The following NRG1 variants were observed in gnomAD, a reference collection of about 807,000 sequenced individuals.
NRG1 encodes neuregulin 1, also known as pro-neuregulin-1, membrane-bound isoform.
Under a neutral mutation model 63.8 loss-of-function variants are expected in NRG1, and 18 were observed. The observed-to-expected ratio is 0.28, with a 90% CI of 0.19 to 0.42. NRG1 has a LOEUF of 0.42. Among genes scored for constraint, NRG1 ranks in the 10% least tolerant of loss-of-function variants. NRG1 has a pLI of 1.00. For synonymous variants in NRG1, 302 were observed against 301.3 expected, an observed-to-expected ratio of 1.00 and a Z score of -0.02; for missense variants, 762 against 814.7, an observed-to-expected ratio of 0.94 and a Z score of 0.79.
intron 1 of NRG1, among the ~76,000 whole-genome samples, chr8:32,260,782 A>G (rs1850276735): frequency 6.6e-6 from 1 of 152,160 alleles, no homozygotes; most frequent in South Asian, 2.1e-4. Context: ...GGGTAGCAGT[A>G]TATGGCCTTC....
Position 32,163,892 on chromosome 8 carries a change from G to A in NRG1, c.38-431936G>A, listed in dbSNP as rs560471612. On this transcript the variant is annotated intron_variant, in intron 1 of 10. Transcript: ENST00000519301. Reference sequence around the variant, plus strand: ...TTGCAGGCTTGGGTTTCTGTCCTTTGGCAGTGGAAGTAAAGAGAAATCAGA... The same window carrying A: ...TTGCAGGCTTGGGTTTCTGTCCTTTAGCAGTGGAAGTAAAGAGAAATCAGA... Among the ~76,000 whole-genome samples, 80 of 152,256 alleles carry A rather than the reference G, an allele frequency of 5.3e-4. 1 individual carries two copies. The South Asian group carries it at 0.016, about 30-fold the overall frequency.
intron 5 of NRG1, among the ~76,000 whole-genome samples, chr8:32,635,126 CT>C (rs1213721421): frequency 6.6e-6 from 1 of 152,132 alleles, no homozygotes; most frequent in African/African-American, 2.4e-5. Flanking sequence ...CAAATCATGC[CT>C]TCACTTTCTG....
chr8:31,886,446 A>G (rs1830722388), intron 1 of NRG1, among the ~76,000 whole-genome samples: 1 of 152,124 alleles, frequency 6.6e-6, no homozygotes, highest in Non-Finnish European at 1.5e-5. Flanking sequence ...TTCTTGTTCA[A>G]TTTTTGAGAA....
At chr8:32,410,176 C>CTTTTTTTTT (rs374377158) in intron 1 of NRG1, among the ~76,000 whole-genome samples, 2 of 99,308 alleles carry the variant, frequency 2.0e-5, no homozygotes, top group Non-Finnish European at 3.9e-5. Flanking sequence ...TTTTTCTTTC[C>CTTTTTTTTT]TTTTTTTTTT....
In NRG1 at chr8:32,742,115, T is replaced by C; in HGVS notation, c.633-560T>C. 2.0e-6 allele frequency: 3 copies of C among 1,497,238 alleles called. No homozygotes were observed. Among genetic ancestry groups the C allele is most frequent in the South Asian group, 2.3e-5 (2 of 88,478 alleles). The allele number at this position is 1,497,238 out of a possible 1,614,324, so 92.7% of individuals were successfully genotyped here. ...TCTGAAATTTGCTTTCTCCCCCAACTACAGCAACAATCACTACCACTTGGT... is the reference window on the plus strand; with the variant it reads ...TCTGAAATTTGCTTTCTCCCCCAACCACAGCAACAATCACTACCACTTGGT... On this transcript the variant is annotated intron_variant, in intron 6 of 11. Transcript: ENST00000356819. This position sits in a 1 kb window ranked among gnomAD's most constrained non-coding sequence, Gnocchi z 4.2.
At chr8:32,655,103 T>C (rs923463345) in intron 5 of NRG1, among the ~76,000 whole-genome samples, 2 of 152,158 alleles carry the variant, frequency 1.3e-5, no homozygotes, top group African/African-American at 4.8e-5. Context: ...GCCTGAGACA[T>C]AAAAAATATG....
chr8:32,416,391 TTC>T (rs1369920562), intron 1 of NRG1, among the ~76,000 whole-genome samples: 1 of 148,188 alleles, frequency 6.7e-6, no homozygotes, highest in African/African-American at 2.5e-5. Flanking sequence ...CCTTCTTTCC[TTC>T]TGTCTCTTTC....
intron 1 of NRG1, among the ~76,000 whole-genome samples, chr8:32,408,564 C>G (rs67961887): frequency 0.26 from 39,418 of 151,878 alleles, 5,380 homozygotes; most frequent in Middle Eastern, 0.33. Context: ...CTGGTGGCTA[C>G]TGCAGAGGGG....
Position 32,078,460 on chromosome 8 carries a change from G to A in NRG1, c.37+439029G>A, listed in dbSNP as rs145840451. ...TTCTTTATGAATTATTCAGTCCCAG[G>A]TATTCCTTTATAGCAACACAAAACA... On this transcript the variant is annotated intron_variant, in intron 1 of 10. Coordinates refer to the NRG1 transcript ENST00000519301. Among the ~76,000 whole-genome samples, 166 of 152,212 alleles carry A rather than the reference G, an allele frequency of 1.1e-3. 3 individuals carry two copies. The South Asian group carries it at 0.027, about 25-fold the overall frequency.
intron 1 of NRG1, among the ~76,000 whole-genome samples, chr8:32,299,499 G>A (rs1012104537): frequency 6.6e-6 from 1 of 152,044 alleles, no homozygotes; most frequent in African/African-American, 2.4e-5. Context: ...AGCAATTCCT[G>A]GGCAGATGAT....
intron 1 of NRG1, among the ~76,000 whole-genome samples, chr8:31,776,906 G>A (rs997254213): frequency 6.6e-6 from 1 of 152,156 alleles, no homozygotes; most frequent in African/African-American, 2.4e-5. Flanking sequence ...AGCAGGTTCT[G>A]GAGAGGATGT....
At chr8:31,793,052 G>C (rs1459794886) in intron 1 of NRG1, among the ~76,000 whole-genome samples, 1 of 152,148 alleles carries the variant, frequency 6.6e-6, no homozygotes, top group Non-Finnish European at 1.5e-5. Context: ...AATCATATCT[G>C]AATTAGAAAA....
intron 1 of NRG1, among the ~76,000 whole-genome samples, chr8:32,530,262 C>T (rs539434658): frequency 6.6e-6 from 1 of 152,208 alleles, no homozygotes; most frequent in South Asian, 2.1e-4. Flanking sequence ...TGCCCGCCAC[C>T]ACGCCCGGCT....
At chr8:32,249,363 T>C (rs1227769664) in intron 1 of NRG1, among the ~76,000 whole-genome samples, 3 of 152,090 alleles carry the variant, frequency 2.0e-5, no homozygotes, top group Non-Finnish European at 2.9e-5. Flanking sequence ...AGAATTTAGT[T>C]TCCATTCTAA....
At chr8:32,147,051 T>C (rs1836945131) in intron 1 of NRG1, among the ~76,000 whole-genome samples, 1 of 152,210 alleles carries the variant, frequency 6.6e-6, no homozygotes, top group Non-Finnish European at 1.5e-5. Flanking sequence ...CTTCCATCTA[T>C]AGTTCACCTC....
chr8:32,163,939 C>T (rs551493975), intron 1 of NRG1, among the ~76,000 whole-genome samples: 34 of 152,092 alleles, frequency 2.2e-4, no homozygotes, highest in Non-Finnish European at 4.1e-4. Context: ...ATTTATGAAC[C>T]ACTGGCTCCT....
chr8:31,938,615 G>A (rs1361692790), intron 1 of NRG1, among the ~76,000 whole-genome samples: 1 of 152,144 alleles, frequency 6.6e-6, no homozygotes, highest in African/African-American at 2.4e-5. Flanking sequence ...GCTCATCAAG[G>A]AGGCACCAGA....
chr8:32,165,051 G>T (rs917459928), intron 1 of NRG1, among the ~76,000 whole-genome samples: 1 of 151,946 alleles, frequency 6.6e-6, no homozygotes, highest in African/African-American at 2.4e-5. Flanking sequence ...ACAAGTAAAT[G>T]GGTTAGCTTT....
intron 1 of NRG1, among the ~76,000 whole-genome samples, chr8:32,318,983 C>T (rs1300093706): frequency 6.6e-6 from 1 of 152,132 alleles, no homozygotes; most frequent in African/African-American, 2.4e-5. Flanking sequence ...TCACTTGAGG[C>T]CCAGATAGGA....
Sources: allele counts gnomAD v4.1 joint callset (sites outside exome capture counted in the v4.1 genomes callset), GRCh38; gene constraint gnomAD v4.1.1; non-coding constraint Gnocchi (gnomAD v3.1); transcripts MANE v1.5; gene names NCBI Gene and HGNC (gene_info 2026-07-23, HGNC 2026-07-21).